PCDH15: variants seen among roughly 807,000 people sequenced by gnomAD.
The protein encoded by PCDH15 is protocadherin related 15.
A neutral mutation model predicts 178.5 loss-of-function variants in PCDH15; 129 were observed. The ratio of observed to expected loss-of-function variants is 0.72; its 90% confidence interval spans 0.63 to 0.84. PCDH15 has a LOEUF of 0.84. Among genes scored for constraint, PCDH15 ranks in the 40% least tolerant of loss-of-function variants. PCDH15 has a pLI of 0.00. For synonymous variants in PCDH15, 800 were observed against 732.0 expected, an observed-to-expected ratio of 1.09 and a Z score of -1.50; for missense variants, 2,230 against 2,099.9, an observed-to-expected ratio of 1.06 and a Z score of -1.21.
chr10:53,960,012 A>G lies in PCDH15; in HGVS notation c.3010-168T>C, dbSNP rs2088121507. Among the ~76,000 whole-genome samples the G allele has an allele frequency of 2.6e-5, 4 of 152,190 alleles. No homozygotes were observed. The South Asian group carries it at 8.3e-4, about 31-fold the overall frequency. ...GGCAGACACTATGCTAGAAAATACT[A>G]CGTTCTCACTTAATCTTTACAATAA... On this transcript the variant is annotated intron_variant, in intron 22 of 37. Coordinates refer to ENST00000644397, the MANE Select transcript of PCDH15 (RefSeq NM_001384140.1).
At chr10:54,407,328 T>C (rs372004939) in intron 3 of PCDH15, among the ~76,000 whole-genome samples, 1 of 152,186 alleles carries the variant, frequency 6.6e-6, no homozygotes. Flanking sequence ...ATAGTTAACG[T>C]TGGTATATTT....
intron 2 of PCDH15, among the ~76,000 whole-genome samples, chr10:55,062,809 T>G (rs183906508): frequency 3.0e-4 from 45 of 152,228 alleles, no homozygotes; most frequent in African/African-American, 1.1e-3. Flanking sequence ...AGGATATTGG[T>G]AATAGTGGAG....
intron 2 of PCDH15, among the ~76,000 whole-genome samples, chr10:55,442,126 T>C (rs2132069887): frequency 6.6e-6 from 1 of 152,104 alleles, no homozygotes; most frequent in East Asian, 1.9e-4. Flanking sequence ...TTGTAGTCAT[T>C]TGTTAGCAGC....
At chr10:54,082,436 C>G (rs900169375) in intron 16 of PCDH15, among the ~76,000 whole-genome samples, 1 of 151,806 alleles carries the variant, frequency 6.6e-6, no homozygotes, top group Non-Finnish European at 1.5e-5. Flanking sequence ...ATAAATATAC[C>G]CACACATCTA....
At chr10:54,933,470 C>A (rs1411854853) in intron 2 of PCDH15, among the ~76,000 whole-genome samples, 1 of 151,834 alleles carries the variant, frequency 6.6e-6, no homozygotes, top group Non-Finnish European at 1.5e-5. Context: ...TAGAAAGATT[C>A]AAGTTCATTT....
intron 5 of PCDH15, among the ~76,000 whole-genome samples, chr10:54,352,476 T>C (rs1402170684): frequency 6.6e-6 from 1 of 152,170 alleles, no homozygotes; most frequent in Non-Finnish European, 1.5e-5. Flanking sequence ...AAGTTTTTTG[T>C]TTTCTCCTAC....
At chr10:55,321,772 G>A (rs748823689), upstream of PCDH15, among the ~76,000 whole-genome samples, 10 of 152,102 alleles carry the variant, frequency 6.6e-5, no homozygotes, top group Non-Finnish European at 1.3e-4. Flanking sequence ...CATAAGTGAA[G>A]AAGAAAGAAG....
intron 2 of PCDH15, among the ~76,000 whole-genome samples, chr10:55,047,083 G>A (rs1026809421): frequency 1.3e-5 from 2 of 151,742 alleles, no homozygotes; most frequent in Non-Finnish European, 2.9e-5. Flanking sequence ...AATTGAAATT[G>A]TTTAGAAAAT....
At chr10:53,981,638 C>T (rs1381180718) in intron 21 of PCDH15, among the ~76,000 whole-genome samples, 1 of 149,570 alleles carries the variant, frequency 6.7e-6, no homozygotes, top group Non-Finnish European at 1.5e-5. Flanking sequence ...GAAACTGGAT[C>T]CCTTCCTTAC....
At chr10:53,895,038 C>T (rs2081857147) in intron 26 of PCDH15, among the ~76,000 whole-genome samples, 1 of 152,094 alleles carries the variant, frequency 6.6e-6, no homozygotes. Context: ...GCACTGTTCT[C>T]TGTAAATTAA....
At chr10:53,824,800 T>C (rs184022841) in intron 32 of PCDH15, among the ~76,000 whole-genome samples, 2 of 152,108 alleles carry the variant, frequency 1.3e-5, no homozygotes, top group East Asian at 3.8e-4. Context: ...TCACTTTGAC[T>C]AAAAGAAATC....
intron 2 of PCDH15, among the ~76,000 whole-genome samples, chr10:55,588,908 T>A (rs965043222): frequency 6.6e-6 from 1 of 151,550 alleles, no homozygotes; most frequent in African/African-American, 2.4e-5. Flanking sequence ...ATGGAGAAAC[T>A]CCATCTCTAC....
intron 18 of PCDH15, among the ~76,000 whole-genome samples, chr10:54,024,124 CAAATA>C (rs2093011662): frequency 6.6e-6 from 1 of 151,916 alleles, no homozygotes; most frequent in Non-Finnish European, 1.5e-5. Flanking sequence ...CACTTTGCAT[CAAATA>C]AAATGAGAAA....
At chr10:55,408,383 A>T (rs1838254533) in intron 2 of PCDH15, among the ~76,000 whole-genome samples, 1 of 151,762 alleles carries the variant, frequency 6.6e-6, no homozygotes, top group East Asian at 2.0e-4. Context: ...ACGGGGATTC[A>T]CCATATTGTC....
intron 1 of PCDH15, among the ~76,000 whole-genome samples, chr10:55,205,094 A>T (rs1399090792): frequency 6.6e-6 from 1 of 152,088 alleles, no homozygotes; most frequent in Non-Finnish European, 1.5e-5. Flanking sequence ...CCAACTATTT[A>T]TATGCAATTA....
chr10:53,935,116 T>G (rs190162818), intron 25 of PCDH15, among the ~76,000 whole-genome samples: 4 of 152,204 alleles, frequency 2.6e-5, no homozygotes, highest in Admixed American at 2.6e-4. Context: ...CAGTTTGTCA[T>G]TACACATTTT....
At chr10:54,648,012 A>C (rs2094169833) in intron 2 of PCDH15, among the ~76,000 whole-genome samples, 1 of 152,142 alleles carries the variant, frequency 6.6e-6, no homozygotes, top group Non-Finnish European at 1.5e-5. Flanking sequence ...GCCCTCTCCA[A>C]ACTCAGTTTC....
intron 2 of PCDH15, among the ~76,000 whole-genome samples, chr10:55,355,975 C>T (rs1399892983): frequency 2.0e-5 from 3 of 151,876 alleles, no homozygotes; most frequent in Non-Finnish European, 4.4e-5. Flanking sequence ...CTTTATCGAA[C>T]ATCACAGATT....
chr10:54,062,251 A>AAAAAAAAAAAAAAAAAAAAAAAG (rs2094040618), intron 18 of PCDH15, among the ~76,000 whole-genome samples: 1 of 74,390 alleles, frequency 1.3e-5, no homozygotes, highest in African/African-American at 4.6e-5. Flanking sequence ...AAAAAAAAAA[A>AAAAAAAAAAAAAAAAAAAAAAAG]ACAAAAAACA....
Sources: allele counts gnomAD v4.1 joint callset (sites outside exome capture counted in the v4.1 genomes callset), GRCh38; gene constraint gnomAD v4.1.1; transcripts MANE v1.5; gene names NCBI Gene and HGNC (gene_info 2026-07-23, HGNC 2026-07-21).